NOS1AP: variants seen among roughly 807,000 people sequenced by gnomAD.
NOS1AP encodes carboxyl-terminal PDZ ligand of neuronal nitric oxide synthase protein.
In NOS1AP, 21 loss-of-function variants were observed where a neutral mutation model predicts 56.2. That is an observed-to-expected ratio of 0.37 (90% CI 0.26 to 0.54). NOS1AP has a LOEUF of 0.54. Ranked by LOEUF, NOS1AP falls within the 20% of genes least tolerant of loss-of-function variation. NOS1AP has a pLI of 0.84. For missense variants in NOS1AP, 522 were observed against 657.8 expected, an observed-to-expected ratio of 0.79 and a Z score of 2.26; for synonymous variants, 270 against 274.6, an observed-to-expected ratio of 0.98 and a Z score of 0.17.
intron 1 of NOS1AP, among the ~76,000 whole-genome samples, chr1:162,091,615 C>A (rs992982232): frequency 6.6e-6 from 1 of 152,028 alleles, no homozygotes; most frequent in African/African-American, 2.4e-5. Flanking sequence ...AGTTATTTTT[C>A]CCCCATGGAG....
intron 4 of NOS1AP, among the ~76,000 whole-genome samples, chr1:162,325,787 T>G (rs1656570235): frequency 6.6e-6 from 1 of 152,102 alleles, no homozygotes; most frequent in Non-Finnish European, 1.5e-5. Context: ...TACCTTATCT[T>G]TATCAGCTGG....
chr1:162,320,803 G>A (rs955022945), intron 4 of NOS1AP, among the ~76,000 whole-genome samples: 4 of 152,036 alleles, frequency 2.6e-5, no homozygotes, highest in East Asian at 1.9e-4. Flanking sequence ...GTAGTGAGCC[G>A]AGATTGCACC....
At chr1:162,121,541 G>A (rs1450543810) in intron 1 of NOS1AP, among the ~76,000 whole-genome samples, 2 of 152,108 alleles carry the variant, frequency 1.3e-5, no homozygotes, top group Admixed American at 1.3e-4. Flanking sequence ...AGAGGAAGAT[G>A]GTGGAGGACA....
rs191286498 is a variant in NOS1AP at position 162,280,495 on chromosome 1, A to T, written c.178-6849A>T. On this transcript the variant is annotated intron_variant, in intron 2 of 9. Transcript: ENST00000361897. Reference sequence around the variant, plus strand: ...TGGTCTACATTACCATGTGCATTTTAAAAAACGCCAACTTTTGGCCGTACT... The same window carrying T: ...TGGTCTACATTACCATGTGCATTTTTAAAAACGCCAACTTTTGGCCGTACT... 1.8e-4 allele frequency among the ~76,000 whole-genome samples: 28 copies of T among 152,344 alleles called. No homozygotes were observed. The East Asian group carries it at 4.2e-3, about 23-fold the overall frequency.
At chr1:162,240,545 C>T (rs908254622) in intron 2 of NOS1AP, among the ~76,000 whole-genome samples, 2 of 152,146 alleles carry the variant, frequency 1.3e-5, no homozygotes, top group African/African-American at 4.8e-5. Context: ...TGCTTTCTAG[C>T]GGGAGCCTGA....
intron 3 of NOS1AP, among the ~76,000 whole-genome samples, chr1:162,291,166 C>T (rs939268083): frequency 1.3e-5 from 2 of 152,172 alleles, no homozygotes. Flanking sequence ...CCTCTCTCTC[C>T]CAGCCTGTCT....
chr1:162,181,555 A>T (rs1331130663), intron 2 of NOS1AP, among the ~76,000 whole-genome samples: 2 of 152,030 alleles, frequency 1.3e-5, no homozygotes, highest in African/African-American at 4.8e-5. Flanking sequence ...TTATTTTTTC[A>T]CTATTGTGAA....
At chr1:162,184,972 T>TA (rs1454197588) in intron 2 of NOS1AP, among the ~76,000 whole-genome samples, 2 of 152,230 alleles carry the variant, frequency 1.3e-5, no homozygotes, top group African/African-American at 4.8e-5. Context: ...CTCACTGGGC[T>TA]AAAAATCAAG....
chr1:162,131,933 A>T (rs1314076400), intron 1 of NOS1AP, among the ~76,000 whole-genome samples: 3 of 152,226 alleles, frequency 2.0e-5, no homozygotes. Context: ...AGAGGTAGCA[A>T]CCTTGTTTGC....
At chr1:162,204,075 T>TA (rs1190366938) in intron 2 of NOS1AP, among the ~76,000 whole-genome samples, 1 of 147,118 alleles carries the variant, frequency 6.8e-6, no homozygotes, top group African/African-American at 2.6e-5. Flanking sequence ...ATTCAAGTCT[T>TA]GTTAGTGCGT....
At chr1:162,106,246 C>T (rs953535659) in intron 1 of NOS1AP, among the ~76,000 whole-genome samples, 14 of 152,298 alleles carry the variant, frequency 9.2e-5, no homozygotes, top group South Asian at 2.1e-4. Context: ...TGGCTCCGTG[C>T]AGCTCCTGGA....
Position 162,267,617 on chromosome 1 carries a change from T to A in NOS1AP, c.178-19727T>A, listed in dbSNP as rs574760207. ...TCTACAAAAAAAAAAAAAAAAAAAA[T>A]TATTTTAAATTAGCCAGGCACCTAA... On this transcript the variant is annotated intron_variant, in intron 2 of 9. Transcript: ENST00000361897. Among the ~76,000 whole-genome samples, 171 of 141,748 alleles carry A rather than the reference T, an allele frequency of 1.2e-3. 2 individuals are homozygous for A. The highest frequency in any genetic ancestry group is 0.01 in the Admixed American group (144 of 14,370). The allele number at this position is 141,748 out of a possible 152,430, so 93.0% of individuals were successfully genotyped here.
chr1:162,149,076 A>T (rs931981862), intron 1 of NOS1AP, among the ~76,000 whole-genome samples: 3 of 152,194 alleles, frequency 2.0e-5, no homozygotes, highest in African/African-American at 4.8e-5. Flanking sequence ...TCCATTTTGA[A>T]ATATATTCCT....
chr1:162,359,727 G>GC (rs200129683), intron 8 of NOS1AP, among the ~76,000 whole-genome samples: 4,662 of 151,920 alleles, frequency 0.031, 221 homozygotes, highest in African/African-American at 0.11. Flanking sequence ...CGCGGGGGGG[G>GC]GCTGATTTCA....
chr1:162,120,169 C>T lies in NOS1AP; in HGVS notation c.106-34236C>T, dbSNP rs368976845. Among the ~76,000 whole-genome samples the T allele has an allele frequency of 1.5e-4, 23 of 150,994 alleles. No homozygotes were observed. In the South Asian group the frequency reaches 4.6e-3, roughly 30 times the overall value. On this transcript the variant is annotated intron_variant, in intron 1 of 9. Transcript: ENST00000361897. ...TATATATGTATATATCAAAATATAC[C>T]CTTTAGCTGAATAATTCTTTAAGCT...
chr1:162,219,393 C>T (rs1652692281), intron 2 of NOS1AP, among the ~76,000 whole-genome samples: 1 of 152,254 alleles, frequency 6.6e-6, no homozygotes. Flanking sequence ...ATCTCCAGGC[C>T]CCAAGAATCT....
At chr1:162,075,695 A>T (rs756199731) in intron 1 of NOS1AP, among the ~76,000 whole-genome samples, 22 of 152,154 alleles carry the variant, frequency 1.4e-4, no homozygotes, top group Admixed American at 7.2e-4. Flanking sequence ...TTCTGATGTC[A>T]TCATTAAGGA....
At chr1:162,104,705 A>G (rs936833661) in intron 1 of NOS1AP, among the ~76,000 whole-genome samples, 2 of 151,780 alleles carry the variant, frequency 1.3e-5, no homozygotes, top group Non-Finnish European at 2.9e-5. Context: ...TGCTACTGAT[A>G]CTTGTCATTG....
chr1:162,365,089 T>C (rs558837868), intron 8 of NOS1AP: 1 of 1,310,710 alleles, frequency 7.6e-7, no homozygotes, highest in African/African-American at 1.8e-5. Flanking sequence ...CACGTGTGTG[T>C]GTACGTGTGT....
Sources: allele counts gnomAD v4.1 joint callset (sites outside exome capture counted in the v4.1 genomes callset), GRCh38; gene constraint gnomAD v4.1.1; transcripts MANE v1.5; gene names NCBI Gene and HGNC (gene_info 2026-07-23, HGNC 2026-07-21).